VAV2: variants seen among roughly 807,000 people sequenced by gnomAD.
VAV2 encodes the protein vav guanine nucleotide exchange factor 2, also known as guanine nucleotide exchange factor VAV2.
VAV2 carries 67 observed loss-of-function variants against 132.5 expected under a neutral mutation model. The ratio of observed to expected loss-of-function variants is 0.51; its 90% confidence interval spans 0.42 to 0.62. The LOEUF is 0.62. VAV2 is among the 20% of genes least tolerant of loss of function. The pLI is 0.00. For synonymous variants in VAV2, 492 were observed against 443.5 expected (o/e 1.11, Z -1.37); for missense variants, 938 against 1,153.6 (o/e 0.81, Z 2.71).
chr9:133,935,879 C>T lies in VAV2; in HGVS notation c.321+3224G>A, dbSNP rs1045956444. ...CCCAAGTGTGCCAGCACCCAGCACA[C>T]GGTCCCAGGGGGCCCGGTCCCCAGC... On this transcript the variant is annotated intron_variant, in intron 2 of 29. Transcript: ENST00000371850. The surrounding 1 kb of genome is among the most constrained non-coding windows in gnomAD (Gnocchi z 5.2). Among the ~76,000 whole-genome samples the T allele has an allele frequency of 2.0e-5, 3 of 152,212 alleles. No individual in the cohort carries two copies. The highest frequency in any genetic ancestry group is 2.1e-4 in the South Asian group (1 of 4,832).
At chr9:133,867,479 C>T (rs1464602543) in intron 2 of VAV2, among the ~76,000 whole-genome samples, 2 of 152,220 alleles carry the variant, frequency 1.3e-5, no homozygotes, top group South Asian at 2.1e-4. Flanking sequence ...ACCCTGCAGG[C>T]CCCTCTCTGA....
intron 1 of VAV2, among the ~76,000 whole-genome samples, chr9:133,980,450 C>T (rs1213157393): frequency 6.6e-6 from 1 of 152,200 alleles, no homozygotes; most frequent in Non-Finnish European, 1.5e-5. Flanking sequence ...GGGCATGTGT[C>T]AGGGCAGAGG....
At chr9:133,770,631 C>CCA in intron 26 of VAV2, 130 bp from the exon 27 acceptor site, 1 of 1,365,606 alleles carries the variant, frequency 7.3e-7, no homozygotes, top group South Asian at 1.4e-5. Flanking sequence ...TCAGAACTCC[C>CCA]CACATCCCGC....
intron 2 of VAV2, among the ~76,000 whole-genome samples, chr9:133,907,617 A>C (rs1044188122): frequency 2.0e-5 from 3 of 152,218 alleles, no homozygotes; most frequent in East Asian, 3.8e-4. Flanking sequence ...GCTGGAATCA[A>C]AACTGATTTA....
intron 5 of VAV2, among the ~76,000 whole-genome samples, chr9:133,810,667 C>A (rs989831556): frequency 5.3e-5 from 8 of 152,206 alleles, no homozygotes; most frequent in African/African-American, 1.9e-4. Context: ...ACATAGGCAG[C>A]GCTGTTCCCC....
At position 133,795,752 on chromosome 9, in the gene VAV2, G is replaced by A. The variant is rs780890284; in HGVS notation, c.1033-16C>T. On this transcript the variant is annotated splice_polypyrimidine_tract_variant and intron_variant, in intron 11 of 29. Coordinates refer to ENST00000371850, the MANE Select transcript of VAV2 (RefSeq NM_001134398.2). ...TCAGAAGCTCCTGGAAGGGTGAGAA[G>A]AGTGTCATGTGTTACCACTCGGGGG... is the stretch of plus-strand genomic sequence containing the variant. The A allele has an allele frequency of 1.2e-6, 2 of 1,612,922 alleles. No individual in the cohort carries two copies. The highest frequency in any genetic ancestry group is 1.1e-5 in the South Asian group (1 of 91,076).
At chr9:133,979,028 G>A (rs1192107405) in intron 1 of VAV2, among the ~76,000 whole-genome samples, 3 of 152,230 alleles carry the variant, frequency 2.0e-5, no homozygotes, top group Non-Finnish European at 2.9e-5. Flanking sequence ...CCCAGTGTGA[G>A]AGCAGGTCTG....
In VAV2 at chr9:133,918,634, T is replaced by C. The variant is rs1010367364; in HGVS notation, c.321+20469A>G. On this transcript the variant is annotated intron_variant, in intron 2 of 29. Transcript: ENST00000371850. The surrounding 1 kb of genome is among the most constrained non-coding windows in gnomAD (Gnocchi z 4.7). ...GAAAGCTGAGGCCCACAGAGTCATGTAGCATGCCCGAGGTCGCGCCTTTAA... is the reference window on the plus strand; with the variant it reads ...GAAAGCTGAGGCCCACAGAGTCATGCAGCATGCCCGAGGTCGCGCCTTTAA... 1.3e-5 allele frequency among the ~76,000 whole-genome samples: 2 copies of C among 152,134 alleles called. No individual in the cohort carries two copies. Among genetic ancestry groups the C allele is most frequent in the African/African-American group, 4.8e-5 (2 of 41,422 alleles).
chr9:133,970,261 C>A (rs537873816), intron 1 of VAV2, among the ~76,000 whole-genome samples: 1 of 152,308 alleles, frequency 6.6e-6, no homozygotes, highest in Admixed American at 6.5e-5. Context: ...GGGCCCCACC[C>A]GATGACCCCA....
intron 9 of VAV2, 114 bp from the exon 10 acceptor site, chr9:133,797,923 T>TC (rs945007579): frequency 1.2e-6 from 1 of 836,362 alleles, no homozygotes; most frequent in African/African-American, 1.8e-5. Flanking sequence ...AACAGGCCCC[T>TC]CCCCTGACAG....
chr9:133,825,115 G>A (rs1248893801), intron 4 of VAV2, among the ~76,000 whole-genome samples: 3 of 149,098 alleles, frequency 2.0e-5, no homozygotes, highest in East Asian at 2.0e-4. Context: ...GTGCAAATGA[G>A]GCACCACGGC....
At chr9:133,956,858 C>A (rs1015274929) in intron 1 of VAV2, among the ~76,000 whole-genome samples, 2 of 152,222 alleles carry the variant, frequency 1.3e-5, no homozygotes, top group Non-Finnish European at 2.9e-5. Flanking sequence ...ACAGAGCCCT[C>A]TGTGGGGGAC....
intron 2 of VAV2, among the ~76,000 whole-genome samples, chr9:133,936,936 G>A (rs377542550): frequency 6.6e-6 from 1 of 152,240 alleles, no homozygotes; most frequent in Non-Finnish European, 1.5e-5. Flanking sequence ...AACCATGGAC[G>A]ATGACAAGGG....
rs1320441021 is a variant in VAV2 at position 133,777,393 on chromosome 9, C to A, written c.1961G>T (p.Gly654Val). Residue 654 changes from glycine to valine, a missense_variant, in exon 23 of 30, where the codon GGA (glycine) becomes GTA (valine). Coordinates refer to ENST00000371850, the MANE Select transcript of VAV2 (RefSeq NM_001134398.2). ...CTTCTGTGGGAAAGGACTCACCCTT[C>A]CATCCACAGGGCAGGGCTTCACAGA... ...SSSVKPCPVD[G>V]RPPISRPPSR... is the part of the protein sequence containing the mutation. 1 of 1,613,802 alleles carries A rather than the reference C, an allele frequency of 6.2e-7. No homozygotes were observed. Among genetic ancestry groups the A allele is most frequent in the South Asian group, 1.1e-5 (1 of 91,078 alleles).
intron 1 of VAV2, among the ~76,000 whole-genome samples, chr9:133,975,968 CG>C (rs1842491080): frequency 6.6e-6 from 1 of 151,678 alleles, no homozygotes; most frequent in Non-Finnish European, 1.5e-5. Context: ...GAGGCTGAGG[CG>C]GGTGGATCAC....
intron 26 of VAV2, among the ~76,000 whole-genome samples, chr9:133,770,908 G>A (rs1588152906): frequency 6.6e-6 from 1 of 152,038 alleles, no homozygotes; most frequent in Admixed American, 6.6e-5. Flanking sequence ...TTGAAAAGTC[G>A]CCTAAAAATC....
rs550298802 is a variant in VAV2, at chr9:133,873,005, TG to T, written c.322-11574del. On this transcript the variant is annotated intron_variant, in intron 2 of 29. Transcript: ENST00000371850. ...GTGTGCACCTGTAATCTCAGCTACT[TG>T]GGAGGCTGGGGCAGAAGAATTGCTT... Among the ~76,000 whole-genome samples, 149 of 149,346 alleles carry T rather than the reference TG, an allele frequency of 1.0e-3. 1 individual carries two copies. Among genetic ancestry groups the T allele is most frequent in the African/African-American group, 3.5e-3 (141 of 40,478 alleles).
At chr9:133,979,791 C>T (rs1049744725) in intron 1 of VAV2, among the ~76,000 whole-genome samples, 1 of 152,224 alleles carries the variant, frequency 6.6e-6, no homozygotes, top group Non-Finnish European at 1.5e-5. Flanking sequence ...TCGGGGAGCA[C>T]AGGTGCTAGT....
At chr9:133,790,323 C>T (rs573674557) in intron 13 of VAV2, among the ~76,000 whole-genome samples, 10 of 152,264 alleles carry the variant, frequency 6.6e-5, no homozygotes, top group African/African-American at 2.4e-4. Context: ...ATTATAGGCA[C>T]CCGCCAGCAC....
Sources: gnomAD v4.1 joint callset for allele counts (sites outside exome capture counted in the v4.1 genomes callset) on GRCh38, gnomAD v4.1.1 for gene constraint, Gnocchi (gnomAD v3.1) non-coding constraint, MANE v1.5 for transcripts, NCBI Gene and HGNC (gene_info 2026-07-23, HGNC 2026-07-21) for gene names.